PHC2: variants seen among roughly 807,000 people sequenced by gnomAD.
PHC2 encodes the protein polyhomeotic homolog 2, also known as polyhomeotic-like protein 2.
Under a neutral mutation model 87.4 loss-of-function variants are expected in PHC2, and 29 were observed. The ratio of observed to expected loss-of-function variants is 0.33; its 90% confidence interval spans 0.25 to 0.45. The LOEUF (loss-of-function observed/expected upper bound fraction) is 0.45, where lower values mean the gene tolerates loss of function less well. Ranked by LOEUF, PHC2 falls within the 20% of genes least tolerant of loss-of-function variation. The probability of loss-of-function intolerance (pLI) is 1.00; values close to 1 mark genes in which losing one functional copy is unlikely to be tolerated. For missense variants in PHC2, 857 were observed against 1,136.7 expected, an observed-to-expected ratio of 0.75 and a Z score of 3.54; for synonymous variants, 438 against 461.7, an observed-to-expected ratio of 0.95 and a Z score of 0.66.
chr1:33,332,258 G>C lies in PHC2; in HGVS notation c.1891+17C>G, dbSNP rs747108896. The C allele has an allele frequency of 5.0e-6, 8 of 1,614,014 alleles. No individual in the cohort carries two copies. In the East Asian group the frequency reaches 1.8e-4, roughly 36 times the overall value. On this transcript the variant is annotated intron_variant, in intron 11 of 14. Coordinates refer to ENST00000683057, the MANE Select transcript of PHC2 (RefSeq NM_001385109.1). The surrounding 1 kb of genome is among the most constrained non-coding windows in gnomAD (Gnocchi z 4.2). ...CCACGCTGGGAGGCCGAGAGATTCA[G>C]GGTCTGAGATGCCCACCTTGCAGAT...
chr1:33,405,281 C>T (rs1184418987), intron 1 of PHC2, among the ~76,000 whole-genome samples: 1 of 151,896 alleles, frequency 6.6e-6, no homozygotes, highest in African/African-American at 2.4e-5. Context: ...ACCTCCACCT[C>T]CTGGGTTCAA....
rs764928189 is a variant in PHC2, at chr1:33,334,203, C to T, written c.1648G>A (p.Gly550Ser). 27 of 1,612,972 alleles carry T rather than the reference C, an allele frequency of 1.7e-5. 1 individual carries two copies. The highest frequency in any genetic ancestry group is 5.5e-5 in the South Asian group (5 of 90,958). ...GNGNSASSIA[G>S]TAPQNGENKP... ...TTCTCACCATTCTGGGGGGCAGTGCCGGCGATGCTGGAGGCAGAGTTTCCG... is the reference window on the plus strand; with the variant it reads ...TTCTCACCATTCTGGGGGGCAGTGCTGGCGATGCTGGAGGCAGAGTTTCCG... Residue 550 changes from glycine (G) to serine (S), a missense_variant, in exon 10 of 15, where the codon GGC becomes AGC. Gly to Ser is a moderately conservative substitution (Grantham distance 56). Transcript: ENST00000683057. The surrounding 1 kb of genome is among the most constrained non-coding windows in gnomAD (Gnocchi z 5.5).
chr1:33,367,007 T>C, intron 7 of PHC2, 109 bp downstream of exon 7: 1 of 946,034 alleles, frequency 1.1e-6, no homozygotes, highest in Non-Finnish European at 1.6e-6. Flanking sequence ...GAGAGATCCA[T>C]GGCTGGTATC....
chr1:33,367,275 G>A lies in PHC2; in HGVS notation c.817C>T (p.Gln273Ter). 3.1e-6 allele frequency: 5 copies of A among 1,614,170 alleles called. No individual in the cohort carries two copies. Among genetic ancestry groups the A allele is most frequent in the Non-Finnish European group, 3.4e-6 (4 of 1,180,032 alleles). ...PTPAQSRNTAQASPAGAKPGI... is the reference protein window; with the variant it reads ...PTPAQSRNTA ...GGCTTGGCACCTGCAGGGGAAGCCT[G>A]AGCAGTATTTCTGCTCTGTGCTGGG... Residue 273 changes from glutamine to a stop codon, truncating the protein, a stop_gained, in exon 7 of 15, where the codon CAG becomes TAG. Transcript: ENST00000683057. LOFTEE classifies it high-confidence loss of function.
chr1:33,407,323 C>T (rs537033369), intron 1 of PHC2, among the ~76,000 whole-genome samples: 2 of 152,282 alleles, frequency 1.3e-5, no homozygotes, highest in South Asian at 2.1e-4. Context: ...TTATCTTTGA[C>T]TGTTGGTCAT....
At position 33,349,300 on chromosome 1, in the gene PHC2, C is replaced by A; in HGVS notation, c.1558+5101G>T. Reference sequence around the variant, plus strand: ...AGGGAAGTCGCAGCGGCGGGGAGGCCGGTCCTAGGTTGGGGCTGGGGTGGG... The same window carrying A: ...AGGGAAGTCGCAGCGGCGGGGAGGCAGGTCCTAGGTTGGGGCTGGGGTGGG... On this transcript the variant is annotated intron_variant, in intron 9 of 14. Coordinates refer to ENST00000683057, the MANE Select transcript of PHC2 (RefSeq NM_001385109.1). This position sits in a 1 kb window ranked among gnomAD's most constrained non-coding sequence, Gnocchi z 4.2. 9 of 969,114 alleles carry A rather than the reference C, an allele frequency of 9.3e-6. No individual in the cohort carries two copies. Among genetic ancestry groups the A allele is most frequent in the Non-Finnish European group, 1.1e-5 (9 of 817,426 alleles). The allele number at this position is 969,114 out of a possible 1,614,324, so 60.0% of individuals were successfully genotyped here.
chr1:33,367,391 G>A lies in PHC2; in HGVS notation c.701C>T (p.Ala234Val), dbSNP rs201647557. The A allele has an allele frequency of 7.5e-6, 12 of 1,594,096 alleles. No homozygotes were observed. In the Admixed American group the frequency reaches 1.4e-4, roughly 18 times the overall value. The stretch of plus-strand genomic sequence containing the variant: ...GGGGGTGGGGCCCGAGGCTGCTGCC[G>A]CTGGTGTCTGCTGTGTTCGGAGGGT... ...NLTLRTQQTPAAAASGPTPTQ... is the reference protein window; with the variant it reads ...NLTLRTQQTPVAAASGPTPTQ... Residue 234 changes from alanine to valine, a missense_variant, in exon 7 of 15, where the codon GCG becomes GTG. By Grantham distance (64) the Ala-to-Val change is moderately conservative. Around this residue, in one of 3 missense-constraint regions of PHC2, gnomAD observed 832 missense variants for 1,081.8 expected, o/e 0.77. Transcript: ENST00000683057.
intron 1 of PHC2, among the ~76,000 whole-genome samples, chr1:33,412,733 G>C (rs1650034604): frequency 6.6e-6 from 1 of 152,172 alleles, no homozygotes; most frequent in Non-Finnish European, 1.5e-5. Flanking sequence ...AACAAAACTT[G>C]AAAGAGTATT....
At chr1:33,375,756 T>G (rs1648144139) in intron 1 of PHC2, among the ~76,000 whole-genome samples, 163 bp from the exon 2 acceptor site, 1 of 152,254 alleles carries the variant, frequency 6.6e-6, no homozygotes, top group Admixed American at 6.5e-5. Flanking sequence ...ACGTAAACTT[T>G]TTTTGTGTCA....
intron 3 of PHC2, among the ~76,000 whole-genome samples, 185 bp downstream of exon 3, chr1:33,372,104 A>C (rs753949565): frequency 2.6e-5 from 4 of 152,202 alleles, no homozygotes; most frequent in South Asian, 2.1e-4. Flanking sequence ...TAGCTGCATG[A>C]CCCTGGGCTC....
chr1:33,367,099 C>T lies in PHC2; in HGVS notation c.976+17G>A, dbSNP rs752881357. The stretch of plus-strand genomic sequence containing the variant: ...TGAGTTTTCTGGGAAAGGATTCCTG[C>T]TTCCTGAAGACCTTACCTGGTGCAA... On this transcript the variant is annotated intron_variant, in intron 7 of 14. Transcript: ENST00000683057. 2 of 1,577,564 alleles carry T rather than the reference C, an allele frequency of 1.3e-6. No individual in the cohort carries two copies. Among genetic ancestry groups the T allele is most frequent in the Non-Finnish European group, 8.6e-7 (1 of 1,156,388 alleles).
At chr1:33,401,713 T>C (rs954123516) in intron 1 of PHC2, among the ~76,000 whole-genome samples, 1 of 152,136 alleles carries the variant, frequency 6.6e-6, no homozygotes, top group Non-Finnish European at 1.5e-5. Context: ...GACCCACACA[T>C]TTATGAACAC....
rs551599132 is a variant in PHC2 at position 33,364,233 on chromosome 1, C to T, written c.976+2883G>A. On this transcript the variant is annotated intron_variant, in intron 7 of 14. Transcript: ENST00000683057. The surrounding 1 kb of genome is among the most constrained non-coding windows in gnomAD (Gnocchi z 4.1). ...GAACACATTCCTCACTGCCATACCCCCTCCTACTGGCCCACTGCAAGTCTC... is the reference window on the plus strand; with the variant it reads ...GAACACATTCCTCACTGCCATACCCTCTCCTACTGGCCCACTGCAAGTCTC... 1.1e-4 allele frequency among the ~76,000 whole-genome samples: 16 copies of T among 152,064 alleles called. No individual in the cohort carries two copies. The highest frequency in any genetic ancestry group is 9.8e-4 in the Admixed American group (15 of 15,268).
At chr1:33,409,738 A>G (rs1424799456) in intron 1 of PHC2, among the ~76,000 whole-genome samples, 1 of 152,226 alleles carries the variant, frequency 6.6e-6, no homozygotes, top group African/African-American at 2.4e-5. Flanking sequence ...AGCCACCAGA[A>G]GAGTAACATT....
In PHC2 at chr1:33,339,770, C is replaced by G. The variant is rs531181919; in HGVS notation, c.1559-5478G>C. On this transcript the variant is annotated intron_variant, in intron 9 of 14. Coordinates refer to ENST00000683057, the MANE Select transcript of PHC2 (RefSeq NM_001385109.1). Reference sequence around the variant, plus strand: ...TTAGTACAGGTTAAGTATCCCTTATCCAAAATGCCTGGGACCAGAAGTGTT... The same window carrying G: ...TTAGTACAGGTTAAGTATCCCTTATGCAAAATGCCTGGGACCAGAAGTGTT... Among the ~76,000 whole-genome samples, 4 of 152,316 alleles carry G rather than the reference C, an allele frequency of 2.6e-5. No homozygotes were observed. The South Asian group carries it at 8.3e-4, about 32-fold the overall frequency.
At position 33,368,425 on chromosome 1, in the gene PHC2, C is replaced by A. The variant is rs988536982; in HGVS notation, c.663+111G>T. 1.1e-5 allele frequency: 7 copies of A among 637,490 alleles called. No homozygotes were observed. Among genetic ancestry groups the A allele is most frequent in the Non-Finnish European group, 1.9e-5 (7 of 368,496 alleles). The allele number at this position is 637,490 out of a possible 1,614,324, so 39.5% of individuals were successfully genotyped here. A position where few individuals can be genotyped will look rare whatever the true frequency, so the allele number is the denominator to read the frequency against. On this transcript the variant is annotated intron_variant, in intron 6 of 14. Transcript: ENST00000683057. The surrounding 1 kb of genome is among the most constrained non-coding windows in gnomAD (Gnocchi z 6.6). ...TGGGGGCATTGGGGTGTCCTGTCTC[C>A]CGCCTGCTTTCCTAGCTGATCCCGG...
rs376855364 is a variant in PHC2 at position 33,372,052 on chromosome 1, C to T, written c.333+237G>A. Among the ~76,000 whole-genome samples the T allele has an allele frequency of 1.2e-4, 19 of 152,318 alleles. No individual in the cohort carries two copies. In the East Asian group the frequency reaches 2.5e-3, roughly 20 times the overall value. On this transcript the variant is annotated intron_variant, in intron 3 of 14. Transcript: ENST00000683057. ...TAAGGTGGTTAGGAGAGGGGCTCCC[C>T]GGCACTTCTTCCATGGGCTAGCATT...
At chr1:33,415,311 A>G (rs1276228917) in intron 1 of PHC2, among the ~76,000 whole-genome samples, 1 of 152,222 alleles carries the variant, frequency 6.6e-6, no homozygotes, top group African/African-American at 2.4e-5. Flanking sequence ...AACCATTCCC[A>G]GAGTTCTTAC....
intron 1 of PHC2, among the ~76,000 whole-genome samples, chr1:33,378,697 A>C (rs1027037760): frequency 6.6e-6 from 1 of 152,176 alleles, no homozygotes; most frequent in Non-Finnish European, 1.5e-5. Context: ...TGATTGAGAG[A>C]GCAATCAAGA....
Sources: gnomAD v4.1 joint callset for allele counts (sites outside exome capture counted in the v4.1 genomes callset) on GRCh38, gnomAD v4.1.1 for gene constraint, gnomAD v4.1.1 regional missense constraint, Gnocchi (gnomAD v3.1) non-coding constraint, MANE v1.5 for transcripts, NCBI Gene and HGNC (gene_info 2026-07-23, HGNC 2026-07-21) for gene names.